Variants in DNAJC24 observed in about 807,000 individuals in gnomAD.
DNAJC24 encodes the protein DnaJ heat shock protein family (Hsp40) member C24, also known as dnaJ homolog subfamily C member 24.
DNAJC24 carries 17 observed loss-of-function variants against 18.0 expected under a neutral mutation model. The ratio of observed to expected loss-of-function variants is 0.94; its 90% CI spans 0.65 to 1.42. The LOEUF is 1.42. Among genes scored for constraint, DNAJC24 ranks in the 40% most tolerant of loss-of-function variants. The probability of loss-of-function intolerance (pLI) is 0.00; values close to 1 mark genes in which losing one functional copy is unlikely to be tolerated. For synonymous variants in DNAJC24, 55 were observed against 57.7 expected (o/e 0.95, Z 0.21); for missense variants, 158 against 175.6 (o/e 0.90, Z 0.57).
chr11:31,381,028 A>T (rs551228586), intron 2 of DNAJC24, among the ~76,000 whole-genome samples: 8 of 152,162 alleles, frequency 5.3e-5, no homozygotes, highest in African/African-American at 1.9e-4. Flanking sequence ...TTTTGTAAGA[A>T]GTCTGATTAG....
At chr11:31,405,852 G>T (rs937740955) in intron 2 of DNAJC24, among the ~76,000 whole-genome samples, 8 of 152,310 alleles carry the variant, frequency 5.3e-5, no homozygotes, top group Middle Eastern at 6.8e-3. Flanking sequence ...AGAGTTTTCT[G>T]TTTACTGCTG....
chr11:31,422,112 G>T (rs1284277651), intron 3 of DNAJC24: 2 of 213,610 alleles, frequency 9.4e-6, no homozygotes, highest in Non-Finnish European at 2.0e-5. Context: ...TACTTCTAAA[G>T]GTTGAAAGAT....
rs750187354 is a variant in DNAJC24, at chr11:31,414,938, T to G, written c.239T>G (p.Leu80Arg). The change falls in exon 3 of 5, where the codon CTG becomes CGG. Residue 80 changes from leucine (L) to arginine (R), a missense_variant. Transcript: ENST00000465995. ...GNEETKREYD[L>R]QRCEDDLRNV... ...GAAGAGACAAAAAGAGAGTATGACC[T>G]GCAGCGGTGTGGTAGGTGCTTGTGT... 1.1e-5 allele frequency: 17 copies of G among 1,613,282 alleles called. No individual in the cohort carries two copies. The highest frequency in any genetic ancestry group is 6.7e-5 in the Admixed American group (4 of 59,956).
intron 2 of DNAJC24, among the ~76,000 whole-genome samples, chr11:31,393,471 G>T (rs2133479966): frequency 6.6e-6 from 1 of 152,312 alleles, no homozygotes; most frequent in African/African-American, 2.4e-5. Context: ...AGTGGTAGGA[G>T]TTTTATGGGG....
At chr11:31,424,724 A>G (rs1473178773) in intron 3 of DNAJC24, among the ~76,000 whole-genome samples, 1 of 152,232 alleles carries the variant, frequency 6.6e-6, no homozygotes, top group East Asian at 1.9e-4. Context: ...GAAGTGGTAT[A>G]ATATCTGACA....
chr11:31,401,598 C>G (rs1220311690), intron 2 of DNAJC24, among the ~76,000 whole-genome samples: 2 of 151,990 alleles, frequency 1.3e-5, no homozygotes, highest in Non-Finnish European at 2.9e-5. Context: ...TCAGGAATCT[C>G]AGAATCAATC....
At chr11:31,387,227 T>C (rs1252748707) in intron 2 of DNAJC24, among the ~76,000 whole-genome samples, 2 of 152,266 alleles carry the variant, frequency 1.3e-5, no homozygotes, top group East Asian at 3.9e-4. Context: ...CTGCTAATTA[T>C]AGAGCACTGC....
chr11:31,409,888 CT>C (rs34773636), intron 2 of DNAJC24, among the ~76,000 whole-genome samples: 645 of 137,522 alleles, frequency 4.7e-3, no homozygotes, highest in African/African-American at 0.011. Flanking sequence ...TTTTCTTTTT[CT>C]TTTTTTTTTT....
At chr11:31,421,497 T>C (rs1020491718) in intron 3 of DNAJC24, among the ~76,000 whole-genome samples, 2 of 152,334 alleles carry the variant, frequency 1.3e-5, no homozygotes, top group Admixed American at 1.3e-4. Context: ...ATGAATATTA[T>C]GGACAGAGCT....
chr11:31,398,881 A>G, intron 2 of DNAJC24, among the ~76,000 whole-genome samples: 1 of 152,160 alleles, frequency 6.6e-6, no homozygotes, highest in East Asian at 1.9e-4. Context: ...TTAGTTTGAC[A>G]TCAGTTTCTT....
At chr11:31,410,942 T>G (rs1025783756) in intron 2 of DNAJC24, among the ~76,000 whole-genome samples, 13 of 152,218 alleles carry the variant, frequency 8.5e-5, no homozygotes, top group Non-Finnish European at 1.3e-4. Context: ...ATATATTAAT[T>G]AATGCTTTAG....
intron 2 of DNAJC24, chr11:31,374,001 T>G (rs2133465542): frequency 7.3e-6 from 2 of 275,578 alleles, no homozygotes; most frequent in South Asian, 6.3e-5. Context: ...TGTCAATTTC[T>G]TAGAATTTTC....
intron 3 of DNAJC24, chr11:31,417,295 G>A (rs1047137798): frequency 6.6e-6 from 1 of 151,970 alleles, no homozygotes; most frequent in Non-Finnish European, 1.5e-5. Flanking sequence ...TCATACCAGA[G>A]CTATTTTTCA....
intron 2 of DNAJC24, 115 bp from the exon 3 acceptor site, chr11:31,414,696 T>C: frequency 6.2e-6 from 7 of 1,121,630 alleles, no homozygotes; most frequent in Non-Finnish European, 8.9e-6. Context: ...CCTTGGCATT[T>C]GGTTTTCATC....
At chr11:31,391,489 G>T (rs1007203966) in intron 2 of DNAJC24, among the ~76,000 whole-genome samples, 8 of 152,140 alleles carry the variant, frequency 5.3e-5, no homozygotes, top group Non-Finnish European at 1.0e-4. Context: ...ATGGCAAACA[G>T]GTGTATGAAA....
chr11:31,423,317 A>G (rs905071047), intron 3 of DNAJC24, among the ~76,000 whole-genome samples: 2 of 152,028 alleles, frequency 1.3e-5, no homozygotes, highest in South Asian at 2.1e-4. Context: ...CTGGAGTGCA[A>G]TGGCGGGATC....
chr11:31,392,157 G>A, intron 2 of DNAJC24, among the ~76,000 whole-genome samples: 1 of 152,116 alleles, frequency 6.6e-6, no homozygotes, highest in East Asian at 1.9e-4. Context: ...CAAAAATAGA[G>A]CTAGATAGAA....
chr11:31,432,456 A>G lies in DNAJC24; in HGVS notation c.*2055A>G. 1 of 1,328,508 alleles carries G rather than the reference A, an allele frequency of 7.5e-7. No individual in the cohort carries two copies. The highest frequency in any genetic ancestry group is 1.1e-6 in the Non-Finnish European group (1 of 922,036). 82.3% of individuals were successfully genotyped at this position (1,328,508 alleles called of 1,614,324 possible). On this transcript the variant is annotated 3_prime_UTR_variant, in exon 5 of 5. Transcript: ENST00000465995. The stretch of plus-strand genomic sequence containing the variant: ...CGGTTTCAACGGGAGTAATAAATTC[A>G]CATGAAAAGGAGACAATAATCAAGT...
At position 31,422,920 on chromosome 11, in the gene DNAJC24, C is replaced by A. The variant is rs189381084; in HGVS notation, c.251-3367C>A. Among the ~76,000 whole-genome samples, 595 of 152,204 alleles carry A rather than the reference C, an allele frequency of 3.9e-3. 6 individuals carry two copies. Among genetic ancestry groups the A allele is most frequent in the African/African-American group, 0.013 (537 of 41,520 alleles). ...TCTCAACAAAGGATCTTGGTCACCC[C>A]CCACTGCCCACATTTAGATTCACCT... On this transcript the variant is annotated intron_variant, in intron 3 of 4. Transcript: ENST00000465995.
Sources: allele counts gnomAD v4.1 joint callset (sites outside exome capture counted in the v4.1 genomes callset), GRCh38; gene constraint gnomAD v4.1.1; transcripts MANE v1.5; gene names NCBI Gene and HGNC (gene_info 2026-07-23, HGNC 2026-07-21).